TUBGCP5: variants seen among roughly 807,000 people sequenced by gnomAD.
TUBGCP5 encodes gamma-tubulin complex component 5.
Under a neutral mutation model 134.7 loss-of-function variants are expected in TUBGCP5, and 98 were observed. That is an observed-to-expected ratio of 0.73 (90% CI 0.62 to 0.86). TUBGCP5 has a LOEUF of 0.86. Ranked by LOEUF, TUBGCP5 falls within the 40% of genes least tolerant of loss-of-function variation. The pLI is 0.00. For missense variants in TUBGCP5, 1,150 were observed against 1,244.8 expected, an observed-to-expected ratio of 0.92 and a Z score of 1.15; for synonymous variants, 456 against 431.4, an observed-to-expected ratio of 1.06 and a Z score of -0.71.
At chr15:23,028,627 G>T in intron 6 of TUBGCP5, among the ~76,000 whole-genome samples, 1 of 151,942 alleles carries the variant, frequency 6.6e-6, no homozygotes, top group African/African-American at 2.4e-5. Flanking sequence ...GTAATAGAAG[G>T]AAATTGTCTT....
rs747042533 is a variant in TUBGCP5 at position 23,011,129 on chromosome 15, T to C, written c.1955+4A>G. ...TTACTGATAACCTTGCAGGTGTGTC[T>C]CACCTTGCAAAGTTAATGGCAAGCA... is the stretch of plus-strand genomic sequence containing the variant. On this transcript the variant is annotated splice_donor_region_variant and intron_variant, in intron 14 of 22. Transcript: ENST00000615383. 3.1e-6 allele frequency: 5 copies of C among 1,612,854 alleles called. No individual in the cohort carries two copies. The South Asian group carries it at 5.5e-5, about 18-fold the overall frequency.
chr15:22,984,490 A>C (rs2063624359), intron 23 of TUBGCP5, among the ~76,000 whole-genome samples: 1 of 151,364 alleles, frequency 6.6e-6, no homozygotes, highest in Non-Finnish European at 1.5e-5. Context: ...TGTGGTGGCG[A>C]GTGCCTGTAA....
chr15:22,988,474 C>G lies in TUBGCP5; in HGVS notation c.*62-4863G>C, dbSNP rs372389105. Reference sequence around the variant, plus strand: ...TTTGGCCGGTTGCGGTGGCTGAAGCCTGTAATCCCAGCACTTTGGGAGGCC... The same window carrying G: ...TTTGGCCGGTTGCGGTGGCTGAAGCGTGTAATCCCAGCACTTTGGGAGGCC... On this transcript the variant is annotated intron_variant and NMD_transcript_variant, in intron 23 of 23. Coordinates refer to the TUBGCP5 transcript ENST00000614508. Among the ~76,000 whole-genome samples the G allele has an allele frequency of 1.7e-3, 264 of 151,844 alleles. 2 individuals are homozygous for G. Among genetic ancestry groups the G allele is most frequent in the Middle Eastern group, 3.4e-3 (1 of 292 alleles).
downstream of TUBGCP5, among the ~76,000 whole-genome samples, chr15:22,997,810 G>T (rs988571579): frequency 6.7e-6 from 1 of 150,136 alleles, no homozygotes; most frequent in Non-Finnish European, 1.5e-5. Context: ...TAGAGACAAG[G>T]TTTCACCACA....
At chr15:23,018,110 T>C in intron 12 of TUBGCP5, 69 bp from the exon 13 acceptor site, 1 of 1,449,228 alleles carries the variant, frequency 6.9e-7, no homozygotes, top group Non-Finnish European at 9.3e-7. Flanking sequence ...TGTTCTAGTT[T>C]GTTGTCCAGA....
chr15:22,998,085 C>T (rs59708606), downstream of TUBGCP5, among the ~76,000 whole-genome samples: 619 of 152,096 alleles, frequency 4.1e-3, 7 homozygotes, highest in African/African-American at 0.015. Flanking sequence ...GAGGCTAAGG[C>T]GGGTGGATCA....
intron 6 of TUBGCP5, among the ~76,000 whole-genome samples, chr15:23,028,448 T>C (rs1595895307): frequency 1.4e-5 from 2 of 144,796 alleles, no homozygotes; most frequent in East Asian, 4.1e-4. Flanking sequence ...AAAAATAACA[T>C]GATCAAGCAA....
intron 11 of TUBGCP5, among the ~76,000 whole-genome samples, chr15:23,021,526 T>C (rs2065694912): frequency 6.6e-6 from 1 of 152,104 alleles, no homozygotes; most frequent in Non-Finnish European, 1.5e-5. Flanking sequence ...TTCATATCGT[T>C]GTGACAAATC....
At chr15:23,029,281 G>T (rs2066159305) in intron 6 of TUBGCP5, among the ~76,000 whole-genome samples, 1 of 152,170 alleles carries the variant, frequency 6.6e-6, no homozygotes, top group South Asian at 2.1e-4. Context: ...GAGTGCAATG[G>T]TGTGATCTTG....
chr15:23,024,536 A>C (rs1262101930), intron 9 of TUBGCP5, among the ~76,000 whole-genome samples: 1 of 152,216 alleles, frequency 6.6e-6, no homozygotes, highest in African/African-American at 2.4e-5. Flanking sequence ...AACAATATTA[A>C]GGAATCCTCT....
chr15:22,999,703 C>G lies in TUBGCP5; in HGVS notation c.*117G>C, dbSNP rs1359837707. ...GGCATGAGCGACTGTGCCAGGCTGA[C>G]TGTGGACAAGTTTTACAAATAAACC... is the stretch of plus-strand genomic sequence containing the variant. On this transcript the variant is annotated 3_prime_UTR_variant, in exon 23 of 23. Transcript: ENST00000615383. 1.7e-6 allele frequency: 2 copies of G among 1,161,096 alleles called. No homozygotes were observed. Among genetic ancestry groups the G allele is most frequent in the Non-Finnish European group, 2.5e-6 (2 of 795,684 alleles). 71.9% of individuals were successfully genotyped at this position (1,161,096 alleles called of 1,614,324 possible). A position where few individuals can be genotyped will look rare whatever the true frequency, so the allele number is the denominator to read the frequency against.
In TUBGCP5 at chr15:23,022,313, C is replaced by A. The variant is rs1487906506; in HGVS notation, c.1169-152G>T. 4.1e-6 allele frequency: 3 copies of A among 727,140 alleles called. No individual in the cohort carries two copies. The East Asian group carries it at 8.1e-5, about 20-fold the overall frequency. The allele number at this position is 727,140 out of a possible 1,614,324, so 45.0% of individuals were successfully genotyped here. A position where few individuals can be genotyped will look rare whatever the true frequency, so the allele number is the denominator to read the frequency against. On this transcript the variant is annotated intron_variant, in intron 10 of 22. Transcript: ENST00000615383. ...TCTCATACCACAAGGACCTAATTTC[C>A]CTAAGGAAGAACTCCTGCAAGTCAC... is the stretch of plus-strand genomic sequence containing the variant.
chr15:22,991,292 C>T (rs1217185444), intron 23 of TUBGCP5, among the ~76,000 whole-genome samples: 1 of 152,024 alleles, frequency 6.6e-6, no homozygotes, highest in Non-Finnish European at 1.5e-5. Context: ...GACGGGGTTT[C>T]ACCATGTTGG....
chr15:22,993,645 A>G, intron 23 of TUBGCP5, among the ~76,000 whole-genome samples: 1 of 148,642 alleles, frequency 6.7e-6, no homozygotes, highest in East Asian at 2.0e-4. Flanking sequence ...CCTGGGTTCA[A>G]GCGGTTCTCC....
At chr15:23,038,698 T>G (rs1426801268) in intron 1 of TUBGCP5, among the ~76,000 whole-genome samples, 1 of 152,242 alleles carries the variant, frequency 6.6e-6, no homozygotes, top group Non-Finnish European at 1.5e-5. Context: ...AGTAATAATT[T>G]CATTATGGGT....
chr15:23,009,817 T>C, intron 15 of TUBGCP5, 128 bp downstream of exon 15: 1 of 652,432 alleles, frequency 1.5e-6, no homozygotes, highest in Non-Finnish European at 2.3e-6. Context: ...TGATTTCTCT[T>C]AGAAAATTGT....
At chr15:22,985,563 A>C (rs2063653719) in intron 23 of TUBGCP5, among the ~76,000 whole-genome samples, 1 of 152,192 alleles carries the variant, frequency 6.6e-6, no homozygotes. Flanking sequence ...GCAAAAAACT[A>C]GAAACAACCC....
intron 16 of TUBGCP5, among the ~76,000 whole-genome samples, chr15:23,007,990 T>TG (rs1212222604): frequency 6.6e-6 from 1 of 152,096 alleles, no homozygotes; most frequent in Non-Finnish European, 1.5e-5. Flanking sequence ...ACCTCATGTG[T>TG]GGGAGCTCAG....
intron 23 of TUBGCP5, among the ~76,000 whole-genome samples, chr15:22,988,310 G>C (rs576024340): frequency 6.6e-6 from 1 of 151,926 alleles, no homozygotes; most frequent in Non-Finnish European, 1.5e-5. Context: ...GAGTGAAGCA[G>C]CCACACAGCC....
Sources: gnomAD v4.1 joint callset for allele counts (sites outside exome capture counted in the v4.1 genomes callset) on GRCh38, gnomAD v4.1.1 for gene constraint, MANE v1.5 for transcripts, NCBI Gene and HGNC (gene_info 2026-07-23, HGNC 2026-07-21) for gene names.